Variants in MCRIP2 observed in about 807,000 individuals in gnomAD.
The protein encoded by MCRIP2 is MAPK regulated corepressor interacting protein 2.
A neutral mutation model predicts 23.2 loss-of-function variants in MCRIP2; 21 were observed. The observed-to-expected ratio is 0.90, with a 90% confidence interval of 0.64 to 1.30. MCRIP2 has a LOEUF of 1.30. Ranked by LOEUF, MCRIP2 falls within the 50% of genes most tolerant of loss-of-function variation. The pLI, the probability that MCRIP2 is intolerant of heterozygous loss-of-function variation, is 0.00. For synonymous variants in MCRIP2, 121 were observed against 100.2 expected, an observed-to-expected ratio of 1.21 and a Z score of -1.24; for missense variants, 234 against 223.2, an observed-to-expected ratio of 1.05 and a Z score of -0.31.
rs139836127 is a variant in MCRIP2 at position 647,455 on chromosome 16, G to A, written c.221G>A (p.Arg74Gln). 576 of 1,613,444 alleles carry A rather than the reference G, an allele frequency of 3.6e-4. 1 individual carries two copies. The highest frequency in any genetic ancestry group is 3.3e-4 in the Middle Eastern group (2 of 6,062). Reference protein sequence around the residue: ...PRLVFNRVNGRRAPSTSPSFE... With the variant: ...PRLVFNRVNGQRAPSTSPSFE... ...CTTGTGTTCAATCGTGTGAATGGCCGGCGGGCCCCCTCCACGTCCCCATCC... is the reference window on the plus strand; with the variant it reads ...CTTGTGTTCAATCGTGTGAATGGCCAGCGGGCCCCCTCCACGTCCCCATCC... Residue 74 changes from arginine to glutamine, a missense_variant, in exon 3 of 5, where the codon CGG (arginine) becomes CAG (glutamine). By Grantham distance (43) the Arg-to-Gln change is conservative (BLOSUM62 1). Coordinates refer to ENST00000307650, the MANE Select transcript of MCRIP2 (RefSeq NM_138418.4).
intron 2 of MCRIP2, 190 bp downstream of exon 2, chr16:642,439 T>C: frequency 2.5e-6 from 1 of 399,124 alleles, no homozygotes; most frequent in Non-Finnish European, 3.7e-6. Context: ...CGCCTCGCAC[T>C]TCCGCCTCAC....
chr16:642,348 C>T (rs2037368714), intron 2 of MCRIP2, 99 bp downstream of exon 2: 2 of 1,062,880 alleles, frequency 1.9e-6, no homozygotes, highest in Admixed American at 5.1e-5. Context: ...TTAGTGAGGT[C>T]CGGCCACGTG....
rs1443600935 is a variant in MCRIP2, at chr16:643,536, G to T, written c.182+1287G>T. ...GGCAACACCAGGCCCACTGGCTGTT[G>T]TCTCTTTTTTTTTTTTTTTTTTTTT... On this transcript the variant is annotated intron_variant, in intron 2 of 4. Coordinates refer to ENST00000307650, the MANE Select transcript of MCRIP2 (RefSeq NM_138418.4). Among the ~76,000 whole-genome samples the T allele has an allele frequency of 2.1e-5, 3 of 144,908 alleles. No individual in the cohort carries two copies. The South Asian group carries it at 6.6e-4, about 32-fold the overall frequency.
At position 648,160 on chromosome 16, in the gene MCRIP2, G is replaced by T; in HGVS notation, c.453G>T (p.Gln151His). 6.2e-7 allele frequency: 1 copy of T among 1,611,426 alleles called. No homozygotes were observed. Among genetic ancestry groups the T allele is most frequent in the Non-Finnish European group, 8.5e-7 (1 of 1,179,332 alleles). ...PIDLDEWWAQ[Q>H]FLARITSCS ...ACCTAGACGAGTGGTGGGCGCAGCAGTTCCTGGCGAGAATCACCAGCTGTT... is the reference window on the plus strand; with the variant it reads ...ACCTAGACGAGTGGTGGGCGCAGCATTTCCTGGCGAGAATCACCAGCTGTT... The change falls in exon 5 of 5, where the codon CAG (glutamine) becomes CAT (histidine). Residue 151 changes from glutamine to histidine, a missense_variant. Transcript: ENST00000307650.
At chr16:645,774 C>T (rs1487765680) in intron 2 of MCRIP2, 1 of 152,444 alleles carries the variant, frequency 6.6e-6, no homozygotes, top group Non-Finnish European at 1.5e-5. Flanking sequence ...GTGGGGAGGC[C>T]CAGTGAGGGC....
At position 648,272 on chromosome 16, in the gene MCRIP2, G is replaced by A; in HGVS notation, c.*82G>A. On this transcript the variant is annotated 3_prime_UTR_variant, in exon 5 of 5. Transcript: ENST00000307650. The stretch of plus-strand genomic sequence containing the variant: ...GGCGCCCTGCCCACCCACTGCGCCT[G>A]GCTGGGTGCCGGCCACACCTGAAGT... 2 of 1,378,578 alleles carry A rather than the reference G, an allele frequency of 1.5e-6. No individual in the cohort carries two copies. The highest frequency in any genetic ancestry group is 2.0e-6 in the Non-Finnish European group (2 of 994,712). 85.4% of individuals were successfully genotyped at this position (1,378,578 alleles called of 1,614,324 possible).
Position 642,142 on chromosome 16 carries a change from G to A in MCRIP2, c.75G>A (p.Glu25=). The A allele has an allele frequency of 7.3e-7, 1 of 1,366,028 alleles. No homozygotes were observed. 84.6% of individuals were successfully genotyped at this position (1,366,028 alleles called of 1,614,324 possible). ...CAGGTCCCACGCAGCAGCAGGTGGAGGGCCGGCTCGGCGAGCTCCTGAAAT... is the reference window on the plus strand; with the variant it reads ...CAGGTCCCACGCAGCAGCAGGTGGAAGGCCGGCTCGGCGAGCTCCTGAAAT... ...RRTGPTQQQV[E]GRLGELLKCR... is the part of the protein sequence containing the mutation. The change falls in exon 2 of 5, where the codon GAG becomes GAA. Residue 25 remains glutamate (E), a synonymous_variant. Coordinates refer to ENST00000307650, the MANE Select transcript of MCRIP2 (RefSeq NM_138418.4).
At chr16:642,325 C>T (rs1456922265) in intron 2 of MCRIP2, 76 bp downstream of exon 2, 9 of 1,120,728 alleles carry the variant, frequency 8.0e-6, no homozygotes, top group Non-Finnish European at 7.6e-6. Flanking sequence ...CGGAGGGTGA[C>T]CTTGGGGAAA....
At position 647,507 on chromosome 16, in the gene MCRIP2, A is replaced by G. The variant is rs1275886767; in HGVS notation, c.273A>G (p.Thr91=). Residue 91 remains threonine (T), a synonymous_variant, in exon 3 of 5, where the codon ACA becomes ACG. Coordinates refer to ENST00000307650, the MANE Select transcript of MCRIP2 (RefSeq NM_138418.4). ...TCGAGGGGACCCAGGAGACCTACAC[A>G]GTGGCCCACGAGGAGAATGTCCGCT... ...PSFEGTQETY[T]VAHEENVRFV... is the part of the protein sequence containing the mutation. 2 of 1,613,396 alleles carry G rather than the reference A, an allele frequency of 1.2e-6. No individual in the cohort carries two copies. The highest frequency in any genetic ancestry group is 1.7e-6 in the Non-Finnish European group (2 of 1,179,978).
Position 646,957 on chromosome 16 carries a change from CT to C in MCRIP2, c.183-458del. Reference sequence around the variant, plus strand: ...GGGAAACATCGTGGAGATGGAGGTGCTTCTGTGGGGCGAGAATGTGGCCTAG... The same window carrying C: ...GGGAAACATCGTGGAGATGGAGGTGCTCTGTGGGGCGAGAATGTGGCCTAG... On this transcript the variant is annotated intron_variant, in intron 2 of 4. Coordinates refer to ENST00000307650, the MANE Select transcript of MCRIP2 (RefSeq NM_138418.4). This position sits in a 1 kb window ranked among gnomAD's most constrained non-coding sequence, Gnocchi z 6.5. The C allele has an allele frequency of 7.9e-4, 125 of 158,432 alleles. No individual in the cohort carries two copies. The highest frequency in any genetic ancestry group is 4.7e-3 in the South Asian group (25 of 5,282). The allele number at this position is 158,432 out of a possible 1,614,324, so 9.8% of individuals were successfully genotyped here. A position where few individuals can be genotyped will look rare whatever the true frequency, so the allele number is the denominator to read the frequency against.
rs749073945 is a variant in MCRIP2 at position 648,121 on chromosome 16, C to T, written c.414C>T (p.Asn138=). ...VERTPNPRLQ[N]FVPIDLDEWW... ...CTGCCCAGCCTTCTCTGCCCACAGA[C>T]TTTGTGCCCATTGACCTAGACGAGT... The change falls in exon 5 of 5, where the codon AAC becomes AAT. Residue 138 remains asparagine (N), a splice_region_variant and synonymous_variant. Transcript: ENST00000307650. The T allele has an allele frequency of 3.1e-6, 5 of 1,604,380 alleles. No individual in the cohort carries two copies. Among genetic ancestry groups the T allele is most frequent in the Non-Finnish European group, 4.3e-6 (5 of 1,174,576 alleles).
rs764788434 is a variant in MCRIP2 at position 647,402 on chromosome 16, C to A, written c.183-15C>A. 1.9e-6 allele frequency: 3 copies of A among 1,612,536 alleles called. No individual in the cohort carries two copies. Among genetic ancestry groups the A allele is most frequent in the Non-Finnish European group, 2.5e-6 (3 of 1,179,432 alleles). On this transcript the variant is annotated splice_polypyrimidine_tract_variant and intron_variant, in intron 2 of 4. Coordinates refer to ENST00000307650, the MANE Select transcript of MCRIP2 (RefSeq NM_138418.4). The stretch of plus-strand genomic sequence containing the variant: ...GGATGGGCACCAACCATGTCCGTCT[C>A]CTCCCTTCCTGCAGTCCAGGGCCAA...
At chr16:647,035 G>A (rs1240540107) in intron 2 of MCRIP2, 4 of 257,012 alleles carry the variant, frequency 1.6e-5, no homozygotes, top group African/African-American at 8.9e-5. Flanking sequence ...TCATGGACTG[G>A]GTCGTGGCTC....
At position 647,407 on chromosome 16, in the gene MCRIP2, C is replaced by T; in HGVS notation, c.183-10C>T. 6.2e-7 allele frequency: 1 copy of T among 1,613,012 alleles called. No homozygotes were observed. On this transcript the variant is annotated splice_polypyrimidine_tract_variant and intron_variant, in intron 2 of 4. Coordinates refer to ENST00000307650, the MANE Select transcript of MCRIP2 (RefSeq NM_138418.4). ...GGCACCAACCATGTCCGTCTCCTCC[C>T]TTCCTGCAGTCCAGGGCCAAGGCTT...
At position 647,824 on chromosome 16, in the gene MCRIP2, G is replaced by T. The variant is rs367609553; in HGVS notation, c.352G>T (p.Gly118Cys). 2 of 1,578,026 alleles carry T rather than the reference G, an allele frequency of 1.3e-6. No homozygotes were observed. The highest frequency in any genetic ancestry group is 2.3e-5 in the East Asian group (1 of 43,058). Reference sequence around the variant, plus strand: ...ACAGCAGCTGGATGGTGGCCCAGCCGGTGAGGGCGGGCCAAGGCCTGTGCA... The same window carrying T: ...ACAGCAGCTGGATGGTGGCCCAGCCTGTGAGGGCGGGCCAAGGCCTGTGCA... The part of the protein sequence containing the change: ...VQQQLDGGPA[G>C]EGGPRPVQYV... The change falls in exon 4 of 5, where the codon GGT becomes TGT. Residue 118 changes from glycine (G) to cysteine (C), a missense_variant. Physicochemically the swap from Gly to Cys is radical, Grantham distance 159. Transcript: ENST00000307650.
chr16:647,744 C>T (rs772755663), intron 3 of MCRIP2, 39 bp from the exon 4 acceptor site: 1 of 1,534,426 alleles, frequency 6.5e-7, no homozygotes, highest in Non-Finnish European at 8.8e-7. Flanking sequence ...CGATGGGGTG[C>T]CTGGGACCTG....
chr16:641,991 C>A lies in MCRIP2; in HGVS notation c.-1C>A. On this transcript the variant is annotated 5_prime_UTR_variant, in exon 1 of 5. Coordinates refer to ENST00000307650, the MANE Select transcript of MCRIP2 (RefSeq NM_138418.4). Reference sequence around the variant, plus strand: ...CGGCGGCGGTGTGGGAGCGGCGCGTCATGTACACCATCACCAAGGGGCCCA... The same window carrying A: ...CGGCGGCGGTGTGGGAGCGGCGCGTAATGTACACCATCACCAAGGGGCCCA... The A allele has an allele frequency of 7.5e-7, 1 of 1,324,714 alleles. No homozygotes were observed. The highest frequency in any genetic ancestry group is 9.6e-7 in the Non-Finnish European group (1 of 1,039,374). 82.1% of individuals were successfully genotyped at this position (1,324,714 alleles called of 1,614,324 possible). A position where few individuals can be genotyped will look rare whatever the true frequency, so the allele number is the denominator to read the frequency against.
At chr16:643,294 C>T (rs2037396864) in intron 2 of MCRIP2, 1 of 152,300 alleles carries the variant, frequency 6.6e-6, no homozygotes, top group Admixed American at 6.5e-5. Context: ...CCGAGGCACA[C>T]CTGTAGCCAC....
rs1482970702 is a variant in MCRIP2 at position 646,013 on chromosome 16, T to G, written c.183-1404T>G. ...GGGCTGAAGTTTGCCCGGAGCAGTG[T>G]CCCTGGAAGTGGGAGAGGTTGGCGG... is the stretch of plus-strand genomic sequence containing the variant. On this transcript the variant is annotated intron_variant, in intron 2 of 4. Coordinates refer to ENST00000307650, the MANE Select transcript of MCRIP2 (RefSeq NM_138418.4). This position sits in a 1 kb window ranked among gnomAD's most constrained non-coding sequence, Gnocchi z 6.5. 2 of 152,188 alleles carry G rather than the reference T, an allele frequency of 1.3e-5. No homozygotes were observed. The highest frequency in any genetic ancestry group is 2.9e-5 in the Non-Finnish European group (2 of 68,058). The allele number at this position is 152,188 out of a possible 1,614,324, so 9.4% of individuals were successfully genotyped here. A position where few individuals can be genotyped will look rare whatever the true frequency, so the allele number is the denominator to read the frequency against.
Sources: gnomAD v4.1 joint callset for allele counts (sites outside exome capture counted in the v4.1 genomes callset) on GRCh38, gnomAD v4.1.1 for gene constraint, Gnocchi (gnomAD v3.1) non-coding constraint, MANE v1.5 for transcripts, NCBI Gene and HGNC (gene_info 2026-07-23, HGNC 2026-07-21) for gene names.